UGT2A1: variants seen among roughly 807,000 people sequenced by gnomAD.
UGT2A1 encodes UDP-glucuronosyltransferase 2A1.
A neutral mutation model predicts 45.4 loss-of-function variants in UGT2A1; 61 were observed. The ratio of observed to expected loss-of-function variants is 1.34; its 90% CI spans 1.09 to 1.66. The LOEUF (loss-of-function observed/expected upper bound fraction) is 1.66. UGT2A1 is among the 40% of genes most tolerant of loss of function. The pLI is 0.00. For missense variants in UGT2A1, 649 were observed against 574.3 expected (o/e 1.13, Z -1.33); for synonymous variants, 229 against 196.2 (o/e 1.17, Z -1.40).
At chr4:69,626,821 A>T (rs1721086998) in intron 3 of UGT2A1, among the ~76,000 whole-genome samples, 1 of 151,682 alleles carries the variant, frequency 6.6e-6, no homozygotes, top group African/African-American at 2.4e-5. Context: ...ATTCATACTA[A>T]TTATTTATTT....
At chr4:69,590,712 G>A (rs1325642237) in intron 6 of UGT2A1, among the ~76,000 whole-genome samples, 1 of 151,888 alleles carries the variant, frequency 6.6e-6, no homozygotes, top group Non-Finnish European at 1.5e-5. Context: ...AATTTCACAT[G>A]GATCATCCGA....
rs760495137 is a variant in UGT2A1 at position 69,647,073 on chromosome 4, G to T, written c.572C>A (p.Ser191Tyr). 6.2e-7 allele frequency: 1 copy of T among 1,612,970 alleles called. No homozygotes were observed. Among genetic ancestry groups the T allele is most frequent in the Non-Finnish European group, 8.5e-7 (1 of 1,179,316 alleles). ...KHCGKVPYPP[S>Y]YVPAVLSELT... ...TTCTGATAAAACAGCAGGAACATAG[G>T]AAGGAGGGTATGGTACCTTCCCACA... The change falls in exon 2 of 7, where the codon TCC (serine) becomes TAC (tyrosine). Residue 191 changes from serine to tyrosine, a missense_variant. Coordinates refer to ENST00000286604, the MANE Select transcript of UGT2A1 (RefSeq NM_001252275.3).
At chr4:69,590,638 A>AGTGT (rs4148321) in intron 6 of UGT2A1, among the ~76,000 whole-genome samples, 27,595 of 150,218 alleles carry the variant, frequency 0.18, 3,013 homozygotes, top group East Asian at 0.5. Context: ...ACATGTGTTG[A>AGTGT]GTGTGTGTGT....
intron 3 of UGT2A1, among the ~76,000 whole-genome samples, chr4:69,610,661 C>G (rs987750733): frequency 1.3e-5 from 2 of 152,086 alleles, no homozygotes; most frequent in Admixed American, 1.3e-4. Context: ...GTCTCTAATC[C>G]ATTATGACTA....
chr4:69,595,261 G>T lies in UGT2A1; in HGVS notation c.997-12C>A, dbSNP rs761696957. On this transcript the variant is annotated splice_polypyrimidine_tract_variant and intron_variant, in intron 4 of 6. Coordinates refer to ENST00000286604, the MANE Select transcript of UGT2A1 (RefSeq NM_001252275.3). ...TATCTCCATAAAACCTGTGGAAAAT[G>T]GTGCTTTAATTTTGCAAGGAAAAAC... 2 of 1,613,072 alleles carry T rather than the reference G, an allele frequency of 1.2e-6. No homozygotes were observed. The highest frequency in any genetic ancestry group is 1.7e-6 in the Non-Finnish European group (2 of 1,179,654).
At chr4:69,622,663 G>A (rs994560865) in intron 3 of UGT2A1, among the ~76,000 whole-genome samples, 1 of 151,648 alleles carries the variant, frequency 6.6e-6, no homozygotes, top group Non-Finnish European at 1.5e-5. Context: ...GGTGAGGGGG[G>A]CATGCATTGA....
intron 3 of UGT2A1, among the ~76,000 whole-genome samples, chr4:69,626,233 G>A (rs897357452): frequency 2.0e-5 from 3 of 150,220 alleles, no homozygotes; most frequent in South Asian, 2.1e-4. Context: ...AGAAGCTTGC[G>A]TTTAAGTTTA....
intron 3 of UGT2A1, among the ~76,000 whole-genome samples, chr4:69,628,602 A>G (rs1232522857): frequency 2.0e-5 from 3 of 151,452 alleles, no homozygotes; most frequent in African/African-American, 7.3e-5. Flanking sequence ...AAATTTGATG[A>G]AAAAAATTCT....
chr4:69,640,320 A>T (rs1215270293), intron 2 of UGT2A1, among the ~76,000 whole-genome samples: 1 of 151,912 alleles, frequency 6.6e-6, no homozygotes, highest in Admixed American at 6.6e-5. Flanking sequence ...AATTTGTTAT[A>T]TTACTTTGTG....
At chr4:69,594,369 T>C in intron 6 of UGT2A1, 108 bp downstream of exon 6, 1 of 1,389,370 alleles carries the variant, frequency 7.2e-7, no homozygotes, top group African/African-American at 1.5e-5. Context: ...GGTCAGGTTA[T>C]GGTTGTTATT....
chr4:69,631,916 G>A (rs553341633), intron 3 of UGT2A1, among the ~76,000 whole-genome samples: 1 of 152,192 alleles, frequency 6.6e-6, no homozygotes, highest in South Asian at 2.1e-4. Flanking sequence ...GTCAAGAAAA[G>A]ACAGAAAATA....
At chr4:69,632,965 G>C (rs1264977512) in intron 3 of UGT2A1, among the ~76,000 whole-genome samples, 2 of 151,672 alleles carry the variant, frequency 1.3e-5, no homozygotes, top group African/African-American at 4.8e-5. Flanking sequence ...AGAGATTCTT[G>C]ATGGCTTACA....
chr4:69,597,156 C>T (rs919587192), intron 4 of UGT2A1, among the ~76,000 whole-genome samples: 2 of 152,102 alleles, frequency 1.3e-5, no homozygotes, highest in African/African-American at 4.8e-5. Context: ...ATTTTCTCAA[C>T]TGTATGCCTC....
chr4:69,620,013 C>T (rs529055400), intron 3 of UGT2A1, among the ~76,000 whole-genome samples: 3 of 152,050 alleles, frequency 2.0e-5, no homozygotes, highest in African/African-American at 7.2e-5. Flanking sequence ...ATATGACAAA[C>T]CCCCAGCCAA....
intron 3 of UGT2A1, among the ~76,000 whole-genome samples, chr4:69,608,508 C>T (rs1347126523): frequency 1.3e-5 from 2 of 151,184 alleles, no homozygotes; most frequent in Non-Finnish European, 2.9e-5. Flanking sequence ...CAACCTGGCA[C>T]ATGTATGTAA....
chr4:69,596,509 C>A, intron 4 of UGT2A1: 2 of 1,267,050 alleles, frequency 1.6e-6, no homozygotes, highest in Non-Finnish European at 2.0e-6. Context: ...TGTCTTCTGA[C>A]ATGTAGAAAG....
chr4:69,618,192 T>TGC (rs1720514140), intron 3 of UGT2A1, among the ~76,000 whole-genome samples: 1 of 49,070 alleles, frequency 2.0e-5, no homozygotes, highest in East Asian at 6.1e-4. Context: ...TAAGCATGTG[T>TGC]GTGTGTGTGT....
intron 3 of UGT2A1, among the ~76,000 whole-genome samples, chr4:69,615,010 C>G (rs1488026660): frequency 6.6e-6 from 1 of 151,922 alleles, no homozygotes; most frequent in African/African-American, 2.4e-5. Context: ...CACTTTTAAA[C>G]AGCTATATCT....
At chr4:69,602,699 A>G (rs755286786) in intron 3 of UGT2A1, among the ~76,000 whole-genome samples, 2 of 137,954 alleles carry the variant, frequency 1.4e-5, no homozygotes, top group African/African-American at 2.9e-5. Flanking sequence ...CAAAAGTTAC[A>G]TAATCTATTC....
Sources: allele counts gnomAD v4.1 joint callset (sites outside exome capture counted in the v4.1 genomes callset), GRCh38; gene constraint gnomAD v4.1.1; transcripts MANE v1.5; gene names NCBI Gene and HGNC (gene_info 2026-07-23, HGNC 2026-07-21).